Variants in PXDN observed in about 807,000 individuals in gnomAD.
PXDN encodes peroxidasin.
In PXDN, 77 loss-of-function variants were observed where a neutral mutation model predicts 140.3. The ratio of observed to expected loss-of-function variants is 0.55; its 90% confidence interval spans 0.46 to 0.66. The LOEUF is 0.66. Among genes scored for constraint, PXDN ranks in the 30% least tolerant of loss-of-function variants. The pLI, the probability that PXDN is intolerant of heterozygous loss-of-function variation, is 0.00. For missense variants in PXDN, 1,838 were observed against 2,039.5 expected (o/e 0.90, Z 1.90); for synonymous variants, 911 against 857.4 (o/e 1.06, Z -1.09).
intron 4 of PXDN, 97 bp from the exon 5 acceptor site, chr2:1,684,248 A>G: frequency 3.5e-6 from 3 of 863,746 alleles, no homozygotes; most frequent in South Asian, 2.9e-5. Flanking sequence ...TCAAATTCAG[A>G]TATCAATAGA....
intron 12 of PXDN, among the ~76,000 whole-genome samples, chr2:1,663,152 T>A (rs770631070): frequency 1.1e-4 from 17 of 151,910 alleles, no homozygotes; most frequent in Non-Finnish European, 2.4e-4. Flanking sequence ...AAGACCAGGG[T>A]CCAAGGATGA....
At chr2:1,690,479 T>A (rs1050948496) in intron 3 of PXDN, among the ~76,000 whole-genome samples, 7 of 152,098 alleles carry the variant, frequency 4.6e-5, no homozygotes, top group Admixed American at 1.3e-4. Context: ...ACTAAGTTGC[T>A]CTTAATAATT....
intron 21 of PXDN, among the ~76,000 whole-genome samples, chr2:1,638,472 G>A (rs987435314): frequency 6.6e-6 from 1 of 152,260 alleles, no homozygotes; most frequent in Non-Finnish European, 1.5e-5. Flanking sequence ...TCCTTACCAC[G>A]CCCTGGGAGA....
At chr2:1,658,745 G>C (rs1430482886) in intron 14 of PXDN, among the ~76,000 whole-genome samples, 44 of 149,776 alleles carry the variant, frequency 2.9e-4, no homozygotes, top group African/African-American at 1.1e-3. Context: ...CCCCAGCCCT[G>C]TGCTCCCCAC....
Position 1,644,728 on chromosome 2 carries a change from G to A in PXDN, c.3633C>T (p.Ile1211=), listed in dbSNP as rs565581245. 1.7e-5 allele frequency: 27 copies of A among 1,582,704 alleles called. No homozygotes were observed. Among genetic ancestry groups the A allele is most frequent in the African/African-American group, 4.0e-5 (3 of 74,252 alleles). Residue 1211 remains isoleucine (I), a synonymous_variant, in exon 18 of 23, where the codon ATC becomes ATT. Coordinates refer to ENST00000252804, the MANE Select transcript of PXDN (RefSeq NM_012293.3). ...CCACCACGAGCGCCGGAAACAGGTC[G>A]ATGTTGAGTGTCGAGCCATACAACC... ...LKRLYGSTLN[I]DLFPALVVED... is the part of the protein sequence containing the mutation.
chr2:1,730,561 G>A (rs1311854169), intron 1 of PXDN, among the ~76,000 whole-genome samples: 1 of 152,204 alleles, frequency 6.6e-6, no homozygotes, highest in African/African-American at 2.4e-5. Context: ...TCAGGCTCAG[G>A]GTATGGCGGA....
intron 2 of PXDN, among the ~76,000 whole-genome samples, chr2:1,692,299 C>G (rs932722788): frequency 6.6e-6 from 1 of 152,194 alleles, no homozygotes; most frequent in African/African-American, 2.4e-5. Flanking sequence ...ATCCTGCTGT[C>G]TCTTAGATTT....
At chr2:1,667,844 G>C (rs561247111) in intron 9 of PXDN, among the ~76,000 whole-genome samples, 45 of 152,186 alleles carry the variant, frequency 3.0e-4, no homozygotes, top group Middle Eastern at 6.8e-3. Flanking sequence ...TCATGGACAG[G>C]AAGAATCAAT....
intron 7 of PXDN, among the ~76,000 whole-genome samples, chr2:1,679,963 CGT>C (rs1239153108): frequency 7.1e-5 from 7 of 98,836 alleles, no homozygotes; most frequent in East Asian, 6.3e-4. Context: ...TTTGTGTCTA[CGT>C]GTGTGTCTGT....
At chr2:1,679,396 G>A (rs1443526002) in intron 7 of PXDN, among the ~76,000 whole-genome samples, 1 of 144,944 alleles carries the variant, frequency 6.9e-6, no homozygotes, top group Non-Finnish European at 1.5e-5. Context: ...TATAAATGGT[G>A]GGTGGAGATG....
chr2:1,690,256 C>T (rs1684155662), intron 3 of PXDN, among the ~76,000 whole-genome samples: 1 of 152,152 alleles, frequency 6.6e-6, no homozygotes, highest in Non-Finnish European at 1.5e-5. Context: ...GCCCCTTCAC[C>T]ACTGGCCTGT....
chr2:1,742,889 G>A (rs10185594), intron 1 of PXDN, among the ~76,000 whole-genome samples: 49,978 of 152,168 alleles, frequency 0.33, 9,167 homozygotes, highest in East Asian at 0.58. Context: ...GTCTGTCCCA[G>A]CACTTTGTTT....
chr2:1,681,447 A>C (rs1470901835), intron 6 of PXDN, among the ~76,000 whole-genome samples: 1 of 152,062 alleles, frequency 6.6e-6, no homozygotes, highest in Non-Finnish European at 1.5e-5. Context: ...AGACGTGCTC[A>C]CTATTAACCC....
chr2:1,693,807 GAC>G (rs1405806177), intron 1 of PXDN, among the ~76,000 whole-genome samples: 2 of 152,184 alleles, frequency 1.3e-5, no homozygotes, highest in Admixed American at 1.3e-4. Flanking sequence ...CGCCAGAATC[GAC>G]ACAGAGACTG....
chr2:1,693,409 A>T (rs1244579755), intron 1 of PXDN, among the ~76,000 whole-genome samples: 7 of 152,210 alleles, frequency 4.6e-5, no homozygotes, highest in African/African-American at 1.4e-4. Context: ...ATCTCTGGCA[A>T]CCCACTGGAA....
chr2:1,658,740 G>C (rs1320891927), intron 14 of PXDN, among the ~76,000 whole-genome samples: 25 of 150,526 alleles, frequency 1.7e-4, no homozygotes, highest in African/African-American at 6.1e-4. Flanking sequence ...GACTGCCCCA[G>C]CCCTGTGCTC....
At position 1,666,196 on chromosome 2, in the gene PXDN, C is replaced by G. The variant is rs1683434786; in HGVS notation, c.1291+18G>C. 2 of 1,611,488 alleles carry G rather than the reference C, an allele frequency of 1.2e-6. No individual in the cohort carries two copies. Among genetic ancestry groups the G allele is most frequent in the Admixed American group, 3.3e-5 (2 of 59,986 alleles). ...ATGGGGCTGAGCCCTGGCTCTGGCA[C>G]AGAGGATGGATACCCACCCTGGACG... is the stretch of plus-strand genomic sequence containing the variant. On this transcript the variant is annotated intron_variant, in intron 10 of 22. Transcript: ENST00000252804.
chr2:1,740,532 C>T (rs879827250), intron 1 of PXDN, among the ~76,000 whole-genome samples: 4 of 150,058 alleles, frequency 2.7e-5, no homozygotes, highest in Non-Finnish European at 5.9e-5. Flanking sequence ...AGCAGCAACA[C>T]TGGAACCTTC....
In PXDN at chr2:1,680,368, G is replaced by A; in HGVS notation, c.561-6C>T. On this transcript the variant is annotated splice_region_variant and splice_polypyrimidine_tract_variant and intron_variant, in intron 6 of 22. Coordinates refer to ENST00000252804, the MANE Select transcript of PXDN (RefSeq NM_012293.3). ...GTGTGTTTGAGTCCAGTCGCCTGTG[G>A]GAAGGAAGATGCAGCCGGTGAGACA... The A allele has an allele frequency of 6.2e-7, 1 of 1,613,920 alleles. No homozygotes were observed. Among genetic ancestry groups the A allele is most frequent in the Non-Finnish European group, 8.5e-7 (1 of 1,179,848 alleles).
Sources: gnomAD v4.1 joint callset for allele counts (sites outside exome capture counted in the v4.1 genomes callset) on GRCh38, gnomAD v4.1.1 for gene constraint, MANE v1.5 for transcripts, NCBI Gene and HGNC (gene_info 2026-07-23, HGNC 2026-07-21) for gene names.